The following PUS10 variants were observed in gnomAD, a reference collection of about 807,000 sequenced individuals.
The protein encoded by PUS10 is tRNA pseudouridine synthase Pus10.
Under a neutral mutation model 75.0 loss-of-function variants are expected in PUS10, and 59 were observed. The ratio of observed to expected loss-of-function variants is 0.79; its 90% CI spans 0.64 to 0.98. The LOEUF (loss-of-function observed/expected upper bound fraction) is 0.98, where lower values mean the gene tolerates loss of function less well. Among genes scored for constraint, PUS10 ranks in the 50% least tolerant of loss-of-function variants. The pLI is 0.00. For synonymous variants in PUS10, 219 were observed against 211.6 expected, an observed-to-expected ratio of 1.03 and a Z score of -0.30; for missense variants, 650 against 614.4, an observed-to-expected ratio of 1.06 and a Z score of -0.61.
At chr2:61,011,556 AAT>A (rs1679596593) in intron 2 of PUS10, among the ~76,000 whole-genome samples, 1 of 152,200 alleles carries the variant, frequency 6.6e-6, no homozygotes, top group South Asian at 2.1e-4. Flanking sequence ...CATTACACTA[AAT>A]GTTAGAAAGC....
chr2:60,993,120 C>T (rs1230983749), intron 4 of PUS10, among the ~76,000 whole-genome samples: 1 of 152,112 alleles, frequency 6.6e-6, no homozygotes, highest in African/African-American at 2.4e-5. Flanking sequence ...AATGTCAATC[C>T]AGTGCTCAAC....
chr2:60,995,744 T>C (rs1678417151), intron 4 of PUS10, among the ~76,000 whole-genome samples: 2 of 152,236 alleles, frequency 1.3e-5, no homozygotes, highest in Non-Finnish European at 2.9e-5. Flanking sequence ...TTTTATTCTG[T>C]TACATTACCA....
chr2:60,990,140 A>G (rs1212362533), intron 4 of PUS10, among the ~76,000 whole-genome samples: 11 of 152,172 alleles, frequency 7.2e-5, no homozygotes, highest in Non-Finnish European at 1.5e-5. Context: ...ACACCCATAC[A>G]CATACTCACA....
In PUS10 at chr2:60,954,999, G is replaced by A; in HGVS notation, c.1057+19C>T. The A allele has an allele frequency of 6.7e-7, 1 of 1,501,214 alleles. No homozygotes were observed. The highest frequency in any genetic ancestry group is 9.1e-7 in the Non-Finnish European group (1 of 1,093,766). The allele number at this position is 1,501,214 out of a possible 1,614,324, so 93.0% of individuals were successfully genotyped here. ...ATCAGAAAGTTAGTTCTAATCAGGT[G>A]ATGCTGTTGCAGTCTTACCATTTCC... On this transcript the variant is annotated intron_variant, in intron 12 of 17. Transcript: ENST00000316752.
chr2:61,009,711 C>G (rs985056452), intron 2 of PUS10: 2 of 152,286 alleles, frequency 1.3e-5, no homozygotes, highest in African/African-American at 4.8e-5. Flanking sequence ...AGATATTCCT[C>G]TCATCAAAAT....
intron 11 of PUS10, among the ~76,000 whole-genome samples, chr2:60,956,104 A>C (rs1380959143): frequency 6.6e-6 from 1 of 152,150 alleles, no homozygotes; most frequent in Non-Finnish European, 1.5e-5. Flanking sequence ...AAAAAAAAAA[A>C]AATGTAAGGG....
In PUS10 at chr2:60,967,502, C is replaced by A; in HGVS notation, c.615G>T (p.Lys205Asn). 1 of 1,563,696 alleles carries A rather than the reference C, an allele frequency of 6.4e-7. No individual in the cohort carries two copies. Among genetic ancestry groups the A allele is most frequent in the Non-Finnish European group, 8.8e-7 (1 of 1,140,108 alleles). ...ATTAACAATGCTGTTGACCCAATACCTTTCCATCAATGGGAACACCCAGTT... is the reference window on the plus strand; with the variant it reads ...ATTAACAATGCTGTTGACCCAATACATTTCCATCAATGGGAACACCCAGTT... ...SEELGVPIDG[K>N]SLFEVSVVFA... Residue 205 changes from lysine (K) to asparagine (N), a missense_variant and splice_region_variant, in exon 6 of 18, where the codon AAG becomes AAT. Transcript: ENST00000316752.
At chr2:60,960,307 G>A (rs1675941607) in intron 11 of PUS10, 85 bp downstream of exon 11, 6 of 1,056,606 alleles carry the variant, frequency 5.7e-6, no homozygotes, top group Non-Finnish European at 7.8e-6. Context: ...TCGTGCTACT[G>A]CAATCTAGCC....
At chr2:60,981,125 T>A (rs973577433) in intron 4 of PUS10, among the ~76,000 whole-genome samples, 1 of 152,022 alleles carries the variant, frequency 6.6e-6, no homozygotes, top group African/African-American at 2.4e-5. Flanking sequence ...ACTCCTGACC[T>A]CAGGTGATCC....
intron 4 of PUS10, among the ~76,000 whole-genome samples, chr2:60,981,386 G>A (rs1490813899): frequency 3.3e-5 from 5 of 152,010 alleles, no homozygotes; most frequent in Admixed American, 6.6e-5. Context: ...AGGTTCAAGC[G>A]ATTCTCCTGC....
chr2:61,010,983 G>A, intron 2 of PUS10: 1 of 1,441,824 alleles, frequency 6.9e-7, no homozygotes, highest in Non-Finnish European at 9.3e-7. Flanking sequence ...ATTGAATATT[G>A]TGTATTATTA....
chr2:60,952,418 G>A (rs1263193281), intron 15 of PUS10, among the ~76,000 whole-genome samples: 2 of 151,844 alleles, frequency 1.3e-5, no homozygotes, highest in Admixed American at 1.3e-4. Context: ...GTATGCACAT[G>A]AACAGGCACT....
At chr2:61,007,532 G>A (rs1293565499) in intron 3 of PUS10, among the ~76,000 whole-genome samples, 2 of 151,168 alleles carry the variant, frequency 1.3e-5, no homozygotes, top group African/African-American at 4.9e-5. Flanking sequence ...ACTTTGGGAG[G>A]CCAAGTCAGG....
At position 61,008,986 on chromosome 2, in the gene PUS10, C is replaced by T. The variant is rs748403430; in HGVS notation, c.156G>A (p.Leu52=). 3 of 1,612,046 alleles carry T rather than the reference C, an allele frequency of 1.9e-6. No individual in the cohort carries two copies. The highest frequency in any genetic ancestry group is 8.5e-7 in the Non-Finnish European group (1 of 1,179,358). The change falls in exon 3 of 18, where the codon CTG becomes CTA. Residue 52 remains leucine (L), a synonymous_variant. Coordinates refer to ENST00000316752, the MANE Select transcript of PUS10 (RefSeq NM_144709.4). ...AAATTAATTCATCTTTTTCAGTTTC[C>T]AGAAATTTCTGTAGTTCATTGAGCA... ...KELLNELQKF[L]ETEKDELILE... is the part of the protein sequence containing the mutation.
chr2:61,017,888 G>A, intron 1 of PUS10, 120 bp downstream of exon 1: 2 of 1,536,168 alleles, frequency 1.3e-6, no homozygotes, highest in Non-Finnish European at 1.8e-6. Context: ...AGTTTAGTGG[G>A]CCCGAGCGGG....
intron 1 of PUS10, among the ~76,000 whole-genome samples, chr2:61,014,246 C>A (rs1306113092): frequency 6.6e-6 from 1 of 151,966 alleles, no homozygotes; most frequent in South Asian, 2.1e-4. Context: ...GGTGTGTTGG[C>A]GTGTGCCTAT....
chr2:60,966,799 T>C (rs79861813), intron 6 of PUS10: 1 of 152,332 alleles, frequency 6.6e-6, no homozygotes, highest in Non-Finnish European at 1.5e-5. Context: ...CTTTAGTAGA[T>C]GGTTTTGTGA....
At chr2:60,969,474 T>C (rs1004361838) in intron 5 of PUS10, among the ~76,000 whole-genome samples, 5 of 152,348 alleles carry the variant, frequency 3.3e-5, no homozygotes, top group African/African-American at 1.2e-4. Flanking sequence ...CCCCATTTCA[T>C]ACTTAGTAAC....
At chr2:61,010,817 C>A in intron 2 of PUS10, 1 of 1,550,394 alleles carries the variant, frequency 6.4e-7, no homozygotes. Flanking sequence ...TGTTCAAATC[C>A]TAGCTTGCTC....
Sources: gnomAD v4.1 joint callset for allele counts (sites outside exome capture counted in the v4.1 genomes callset) on GRCh38, gnomAD v4.1.1 for gene constraint, MANE v1.5 for transcripts, NCBI Gene and HGNC (gene_info 2026-07-23, HGNC 2026-07-21) for gene names.